The following TXNRD2 variants were observed in gnomAD, a reference collection of about 807,000 sequenced individuals.
TXNRD2 encodes thioredoxin reductase 2, mitochondrial.
In TXNRD2, 67 loss-of-function variants were observed where a neutral mutation model predicts 70.8. The ratio of observed to expected loss-of-function variants is 0.95; its 90% CI spans 0.78 to 1.16. The LOEUF is 1.16. TXNRD2 is among the 50% of genes most tolerant of loss of function. The probability of loss-of-function intolerance (pLI) is 0.00; values close to 1 mark genes in which losing one functional copy is unlikely to be tolerated. For synonymous variants in TXNRD2, 301 were observed against 295.8 expected (o/e 1.02, Z -0.18); for missense variants, 644 against 719.9 (o/e 0.89, Z 1.21).
chr22:19,899,148 C>G (rs1939657105), intron 8 of TXNRD2, 80 bp from the exon 9 acceptor site: 55 of 1,588,000 alleles, frequency 3.5e-5, no homozygotes, highest in Non-Finnish European at 4.7e-5. Context: ...AACCCCGCAG[C>G]CTTTGCCCAG....
chr22:19,883,417 C>A lies in TXNRD2; in HGVS notation c.994G>T (p.Val332Leu). 1 of 1,614,080 alleles carries A rather than the reference C, an allele frequency of 6.2e-7. No individual in the cohort carries two copies. Among genetic ancestry groups the A allele is most frequent in the Non-Finnish European group, 8.5e-7 (1 of 1,180,046 alleles). ...TRSLNLEKAG[V>L]DTSPDTQKIL... is the part of the protein sequence containing the mutation. ...TTCTGAGTGTCGGGGCTAGTATCTA[C>A]CCCAGCCTTCTCCAAATTCAGACTT... The change falls in exon 12 of 18, where the codon GTA becomes TTA. Residue 332 changes from valine (V) to leucine (L), a missense_variant. Physicochemically the swap from Val to Leu is conservative, Grantham distance 32. This residue lies in a region of TXNRD2 where 566 missense variants were observed against 645.0 expected (regional missense o/e 0.88). Transcript: ENST00000400521.
In TXNRD2 at chr22:19,911,965, A is replaced by G. The variant is rs531817536; in HGVS notation, c.592-518T>C. Among the ~76,000 whole-genome samples the G allele has an allele frequency of 1.1e-4, 16 of 152,284 alleles. No individual in the cohort carries two copies. In the South Asian group the frequency reaches 3.3e-3, roughly 32 times the overall value. The stretch of plus-strand genomic sequence containing the variant: ...TGTGTCTGCGCGGCAGGGGTGGCCT[A>G]CAAGGCCAGCCAGAGGAGAGGAGGC... On this transcript the variant is annotated intron_variant, in intron 7 of 17. Coordinates refer to ENST00000400521, the MANE Select transcript of TXNRD2 (RefSeq NM_006440.5).
intron 8 of TXNRD2, among the ~76,000 whole-genome samples, chr22:19,904,642 G>A (rs1330965078): frequency 6.6e-6 from 1 of 152,248 alleles, no homozygotes; most frequent in Non-Finnish European, 1.5e-5. Flanking sequence ...CCTGGTGGCA[G>A]CCTGTGCCTG....
intron 7 of TXNRD2, among the ~76,000 whole-genome samples, chr22:19,912,057 G>A (rs1484651960): frequency 6.6e-6 from 1 of 152,158 alleles, no homozygotes; most frequent in Non-Finnish European, 1.5e-5. Context: ...GCACCTGGCT[G>A]AAGCCAGGAC....
In TXNRD2 at chr22:19,918,915, T is replaced by C; in HGVS notation, c.319A>G (p.Ile107Val). 4 of 1,612,848 alleles carry C rather than the reference T, an allele frequency of 2.5e-6. No individual in the cohort carries two copies. Among genetic ancestry groups the C allele is most frequent in the Non-Finnish European group, 3.4e-6 (4 of 1,179,948 alleles). Residue 107 changes from isoleucine (I) to valine (V), a missense_variant, in exon 4 of 18, where the codon ATC becomes GTC. Ile to Val is a conservative substitution (Grantham distance 29). This residue lies in a region of TXNRD2 where 566 missense variants were observed against 645.0 expected (regional missense o/e 0.88). Transcript: ENST00000400521. ...MHQAALLGGL[I>V]QDAPNYGWEV... ...CAGCCATAGTTGGGGGCATCTTGGA[T>C]CAGGCCTCCCAGCAGTGCCGCCTGG...
At chr22:19,921,442 G>A (rs1175293280) in intron 2 of TXNRD2, among the ~76,000 whole-genome samples, 4 of 149,810 alleles carry the variant, frequency 2.7e-5, no homozygotes, top group Admixed American at 2.7e-4. Flanking sequence ...AAGCCAGTGT[G>A]CCAGTGTGTA....
chr22:19,895,355 C>T, intron 11 of TXNRD2, 52 bp downstream of exon 11: 1 of 1,611,402 alleles, frequency 6.2e-7, no homozygotes. Context: ...AAAGATTCTC[C>T]ATGCACCTCG....
intron 5 of TXNRD2, among the ~76,000 whole-genome samples, chr22:19,916,523 G>T (rs888011013): frequency 2.6e-5 from 4 of 152,038 alleles, no homozygotes; most frequent in African/African-American, 9.7e-5. Flanking sequence ...TGTATTTTTA[G>T]TAGAGACGGG....
intron 2 of TXNRD2, among the ~76,000 whole-genome samples, chr22:19,924,319 T>G (rs938276194): frequency 2.0e-5 from 3 of 151,970 alleles, no homozygotes; most frequent in Non-Finnish European, 4.4e-5. Context: ...TCTTCATCCT[T>G]TATAGCCACA....
chr22:19,902,951 TC>T, intron 8 of TXNRD2: 1 of 518,834 alleles, frequency 1.9e-6, no homozygotes, highest in Non-Finnish European at 3.8e-6. Context: ...CTTCCGGACT[TC>T]CTAAGGGTCA....
intron 10 of TXNRD2, 61 bp downstream of exon 10, chr22:19,897,978 G>A: frequency 7.2e-7 from 1 of 1,396,624 alleles, no homozygotes; most frequent in African/African-American, 1.4e-5. Context: ...CTGCCTGGGA[G>A]GGGGCTGTGG....
intron 11 of TXNRD2, among the ~76,000 whole-genome samples, chr22:19,888,472 G>C (rs1017092357): frequency 6.6e-6 from 1 of 152,228 alleles, no homozygotes; most frequent in African/African-American, 2.4e-5. Context: ...GGAAGAACAG[G>C]CATGCCCTCT....
chr22:19,918,648 C>A (rs528125520), intron 4 of TXNRD2, among the ~76,000 whole-genome samples: 1 of 152,310 alleles, frequency 6.6e-6, no homozygotes, highest in Non-Finnish European at 1.5e-5. Flanking sequence ...CTGGGCTCCC[C>A]GCAAAGGGGA....
intron 11 of TXNRD2, among the ~76,000 whole-genome samples, chr22:19,890,836 C>A (rs1478738522): frequency 6.6e-6 from 1 of 152,220 alleles, no homozygotes; most frequent in African/African-American, 2.4e-5. Context: ...CAGTTGCCTG[C>A]CGTGTACATG....
chr22:19,909,567 T>C (rs1311027409), intron 8 of TXNRD2, among the ~76,000 whole-genome samples: 7 of 95,044 alleles, frequency 7.4e-5, no homozygotes, highest in Admixed American at 1.1e-4. Context: ...ACTACTCACA[T>C]ACACACACCA....
intron 8 of TXNRD2, among the ~76,000 whole-genome samples, chr22:19,909,540 C>T (rs77186567): frequency 0.12 from 13,744 of 114,782 alleles, 747 homozygotes; most frequent in East Asian, 0.24. Context: ...ACCACACACA[C>T]ACATAACCAC....
rs1429174414 is a variant in TXNRD2, at chr22:19,941,793, A to G, written c.11T>C (p.Met4Thr). 9 of 1,528,764 alleles carry G rather than the reference A, an allele frequency of 5.9e-6. No homozygotes were observed. The highest frequency in any genetic ancestry group is 2.6e-5 in the East Asian group (1 of 37,740). 94.7% of individuals were successfully genotyped at this position (1,528,764 alleles called of 1,614,324 possible). Reference sequence around the variant, plus strand: ...TCCTAATCCCCGCAGCGCCACCGCCATTGCCGCCATCGTCGTGGGGCTTCT... The same window carrying G: ...TCCTAATCCCCGCAGCGCCACCGCCGTTGCCGCCATCGTCGTGGGGCTTCT... The part of the protein sequence containing the change: MAA[M>T]AVALRGLGGR... The change falls in exon 1 of 18, where the codon ATG becomes ACG. Residue 4 changes from methionine (M) to threonine (T), a missense_variant. This residue lies in a region of TXNRD2 where 71 missense variants were observed against 53.6 expected (regional missense o/e 1.33). Coordinates refer to ENST00000400521, the MANE Select transcript of TXNRD2 (RefSeq NM_006440.5).
At chr22:19,884,716 C>T (rs1274830703) in intron 11 of TXNRD2, among the ~76,000 whole-genome samples, 2 of 152,184 alleles carry the variant, frequency 1.3e-5, no homozygotes, top group Non-Finnish European at 2.9e-5. Context: ...TGGACTGTAC[C>T]CCAACAATGC....
rs966702976 is a variant in TXNRD2 at position 19,933,403 on chromosome 22, T to C, written c.104-2305A>G. On this transcript the variant is annotated intron_variant, in intron 1 of 17. Transcript: ENST00000400521. ...GCATCTCTCTCCTCCAGCTGCCTGG[T>C]AGCCGGAAGCTTTGCTCAGAACGTC... 15 of 1,274,946 alleles carry C rather than the reference T, an allele frequency of 1.2e-5. No individual in the cohort carries two copies. The Middle Eastern group carries it at 1.7e-3, about 145-fold the overall frequency. 79.0% of individuals were successfully genotyped at this position (1,274,946 alleles called of 1,614,324 possible). A position where few individuals can be genotyped will look rare whatever the true frequency, so the allele number is the denominator to read the frequency against.
Sources: gnomAD v4.1 joint callset for allele counts (sites outside exome capture counted in the v4.1 genomes callset) on GRCh38, gnomAD v4.1.1 for gene constraint, gnomAD v4.1.1 regional missense constraint, MANE v1.5 for transcripts, NCBI Gene and HGNC (gene_info 2026-07-23, HGNC 2026-07-21) for gene names.